CSMD1: variants seen among roughly 807,000 people sequenced by gnomAD.
The protein encoded by CSMD1 is CUB and sushi domain-containing protein 1.
CSMD1 carries 213 observed loss-of-function variants against 417.5 expected under a neutral mutation model. That is an observed-to-expected ratio of 0.51 (90% CI 0.46 to 0.57). The LOEUF (loss-of-function observed/expected upper bound fraction) is 0.57, where lower values mean the gene tolerates loss of function less well. CSMD1 is among the 20% of genes least tolerant of loss of function. The probability of loss-of-function intolerance (pLI) is 0.00; values close to 1 mark genes in which losing one functional copy is unlikely to be tolerated. For missense variants in CSMD1, 6,923 were observed against 4,529.7 expected, an observed-to-expected ratio of 1.53 and a Z score of -15.17; for synonymous variants, 2,862 against 1,736.8, an observed-to-expected ratio of 1.65 and a Z score of -16.11.
intron 1 of CSMD1, among the ~76,000 whole-genome samples, chr8:4,757,577 G>A (rs74923815): frequency 0.031 from 4,779 of 152,260 alleles, 109 homozygotes; most frequent in Non-Finnish European, 0.044. Flanking sequence ...CTAAGTCTGA[G>A]CAATAGCCTA....
intron 1 of CSMD1, among the ~76,000 whole-genome samples, chr8:4,863,089 C>A (rs149214434): frequency 6.6e-6 from 1 of 151,788 alleles, no homozygotes; most frequent in Admixed American, 6.6e-5. Flanking sequence ...TTATAGTAGC[C>A]GGAAAGCTCA....
At chr8:3,510,718 G>C (rs980915051) in intron 10 of CSMD1, among the ~76,000 whole-genome samples, 1 of 151,796 alleles carries the variant, frequency 6.6e-6, no homozygotes. Context: ...GTGTGAGATG[G>C]TATCTCATTG....
intron 5 of CSMD1, among the ~76,000 whole-genome samples, chr8:3,844,537 A>T (rs1204831171): frequency 6.6e-6 from 1 of 152,206 alleles, no homozygotes; most frequent in South Asian, 2.1e-4. Flanking sequence ...CAGAATTGTC[A>T]CAGAGGGAAA....
intron 2 of CSMD1, among the ~76,000 whole-genome samples, chr8:4,597,388 C>G (rs1046442472): frequency 1.3e-5 from 2 of 152,090 alleles, no homozygotes; most frequent in Non-Finnish European, 2.9e-5. Context: ...GTATGTTGAC[C>G]TGACCAAGGT....
At chr8:4,332,836 G>A (rs1325452039) in intron 3 of CSMD1, among the ~76,000 whole-genome samples, 4 of 150,472 alleles carry the variant, frequency 2.7e-5, no homozygotes, top group Admixed American at 2.7e-4. Flanking sequence ...TTATTTAGCT[G>A]ATGAAATGTT....
chr8:4,286,981 A>G (rs780403507), intron 3 of CSMD1, among the ~76,000 whole-genome samples: 6 of 152,218 alleles, frequency 3.9e-5, no homozygotes, highest in Non-Finnish European at 8.8e-5. Context: ...GCTGACATCC[A>G]CGCCAAGTAA....
At chr8:4,549,005 T>A (rs1326386229) in intron 2 of CSMD1, among the ~76,000 whole-genome samples, 1 of 152,242 alleles carries the variant, frequency 6.6e-6, no homozygotes, top group African/African-American at 2.4e-5. Flanking sequence ...TCCAAGTTTA[T>A]CAGATTATGA....
intron 1 of CSMD1, among the ~76,000 whole-genome samples, chr8:4,958,058 G>A (rs1231042960): frequency 1.3e-5 from 2 of 152,170 alleles, no homozygotes; most frequent in African/African-American, 2.4e-5. Flanking sequence ...CATTTGATAA[G>A]AGGGAGCTTC....
chr8:3,787,448 A>G (rs1286453361), intron 5 of CSMD1, among the ~76,000 whole-genome samples: 1 of 152,196 alleles, frequency 6.6e-6, no homozygotes, highest in Admixed American at 6.5e-5. Flanking sequence ...TAAATGATAT[A>G]CAATAATTCA....
chr8:3,123,247 G>A (rs1585408062), intron 41 of CSMD1, among the ~76,000 whole-genome samples: 1 of 152,098 alleles, frequency 6.6e-6, no homozygotes, highest in African/African-American at 2.4e-5. Flanking sequence ...GGGCCAACCT[G>A]TCAAATGCAT....
chr8:4,241,423 T>C (rs547332588), intron 3 of CSMD1, among the ~76,000 whole-genome samples: 1 of 152,326 alleles, frequency 6.6e-6, no homozygotes, highest in Non-Finnish European at 1.5e-5. Context: ...TTAAACTTCC[T>C]CATAGCACTT....
intron 7 of CSMD1, among the ~76,000 whole-genome samples, chr8:3,687,149 G>A (rs1003595340): frequency 6.6e-6 from 1 of 152,226 alleles, no homozygotes; most frequent in Admixed American, 6.5e-5. Context: ...CATGATATAA[G>A]CATCACACCT....
rs1797095061 is a variant in CSMD1 at position 3,203,412 on chromosome 8, T to C, written c.4985-1687A>G. Reference sequence around the variant, plus strand: ...GCTGCTGCCGGAAATCATGAGAATGTGATGAGAAGAACAAACAAAGGGTTA... The same window carrying C: ...GCTGCTGCCGGAAATCATGAGAATGCGATGAGAAGAACAAACAAAGGGTTA... On this transcript the variant is annotated intron_variant, in intron 31 of 69. Transcript: ENST00000635120. Among the ~76,000 whole-genome samples, 3 of 152,152 alleles carry C rather than the reference T, an allele frequency of 2.0e-5. No individual in the cohort carries two copies. The Middle Eastern group carries it at 0.01, about 518-fold the overall frequency.
At chr8:3,846,805 C>T (rs1401814772) in intron 5 of CSMD1, among the ~76,000 whole-genome samples, 1 of 152,068 alleles carries the variant, frequency 6.6e-6, no homozygotes, top group Non-Finnish European at 1.5e-5. Flanking sequence ...TCCCAAGTAG[C>T]TGGGATTACA....
intron 14 of CSMD1, among the ~76,000 whole-genome samples, chr8:3,407,520 C>T (rs1057379717): frequency 2.7e-5 from 4 of 150,318 alleles, no homozygotes; most frequent in African/African-American, 7.4e-5. Flanking sequence ...TGAAAGGATA[C>T]AGATGGACAG....
At chr8:3,168,937 C>T (rs538908932) in intron 37 of CSMD1, among the ~76,000 whole-genome samples, 5 of 151,126 alleles carry the variant, frequency 3.3e-5, no homozygotes, top group Admixed American at 1.3e-4. Context: ...CTCTCTCTCT[C>T]AGGGGCTCAC....
At chr8:4,081,418 C>A (rs1451529286) in intron 3 of CSMD1, among the ~76,000 whole-genome samples, 1 of 152,100 alleles carries the variant, frequency 6.6e-6, no homozygotes. Flanking sequence ...CAGCTTCCTC[C>A]TTTTTGCCTT....
At chr8:4,945,537 G>C (rs1808308251) in intron 1 of CSMD1, among the ~76,000 whole-genome samples, 1 of 149,444 alleles carries the variant, frequency 6.7e-6, no homozygotes, top group South Asian at 2.1e-4. Context: ...AAAAAAAAAA[G>C]TGGTACTCAG....
chr8:4,598,552 A>C (rs894749311), intron 2 of CSMD1, among the ~76,000 whole-genome samples: 1 of 152,210 alleles, frequency 6.6e-6, no homozygotes, highest in African/African-American at 2.4e-5. Context: ...AAAAGATGCA[A>C]GGAAAACTCC....
Sources: gnomAD v4.1 joint callset for allele counts (sites outside exome capture counted in the v4.1 genomes callset) on GRCh38, gnomAD v4.1.1 for gene constraint, MANE v1.5 for transcripts, NCBI Gene and HGNC (gene_info 2026-07-23, HGNC 2026-07-21) for gene names.